TMEM161B: variants seen among roughly 807,000 people sequenced by gnomAD.
The protein encoded by TMEM161B is transmembrane protein 161B.
A neutral mutation model predicts 61.8 loss-of-function variants in TMEM161B; 34 were observed. That is an observed-to-expected ratio of 0.55 (90% CI 0.42 to 0.73). The LOEUF is 0.73. Ranked by LOEUF, TMEM161B falls within the 30% of genes least tolerant of loss-of-function variation. TMEM161B has a pLI of 0.00. For missense variants in TMEM161B, 456 were observed against 558.5 expected (o/e 0.82, Z 1.85); for synonymous variants, 167 against 192.8 (o/e 0.87, Z 1.11).
At chr5:88,214,549 T>C (rs971536957) in intron 5 of TMEM161B, among the ~76,000 whole-genome samples, 1 of 152,220 alleles carries the variant, frequency 6.6e-6, no homozygotes, top group Non-Finnish European at 1.5e-5. Context: ...TTTACCTTTT[T>C]ACTTTTCATT....
chr5:88,242,399 T>A (rs1752889248), intron 1 of TMEM161B, among the ~76,000 whole-genome samples: 1 of 145,272 alleles, frequency 6.9e-6, no homozygotes. Context: ...TCCTCCCATT[T>A]GCTGGCTCTT....
chr5:88,202,929 G>A, intron 9 of TMEM161B, 33 bp downstream of exon 9: 1 of 1,367,558 alleles, frequency 7.3e-7, no homozygotes, highest in Non-Finnish European at 1.0e-6. Flanking sequence ...CAGTTTTGGT[G>A]ATAAAAATCA....
At chr5:88,241,046 T>C in intron 1 of TMEM161B, 130 bp from the exon 2 acceptor site, 1 of 540,656 alleles carries the variant, frequency 1.8e-6, no homozygotes, top group Non-Finnish European at 3.1e-6. Flanking sequence ...TACATTACTC[T>C]CAGCCCTCCA....
chr5:88,186,676 T>C (rs993453944), downstream of TMEM161B, among the ~76,000 whole-genome samples: 2 of 151,992 alleles, frequency 1.3e-5, no homozygotes, highest in African/African-American at 4.8e-5. Flanking sequence ...ACACCTGTAA[T>C]CCCAGGAATT....
chr5:88,263,519 C>A (rs563163725), intron 1 of TMEM161B, among the ~76,000 whole-genome samples: 1 of 152,208 alleles, frequency 6.6e-6, no homozygotes, highest in South Asian at 2.1e-4. Context: ...GTAAGGATTT[C>A]TTTTTTTCTA....
chr5:88,230,408 C>T (rs1750794443), intron 2 of TMEM161B, among the ~76,000 whole-genome samples: 1 of 152,100 alleles, frequency 6.6e-6, no homozygotes, highest in Non-Finnish European at 1.5e-5. Context: ...GTGATGAGTA[C>T]ACAGGAATTC....
chr5:88,251,393 T>C (rs1754324759), intron 1 of TMEM161B, among the ~76,000 whole-genome samples: 1 of 152,148 alleles, frequency 6.6e-6, no homozygotes, highest in Non-Finnish European at 1.5e-5. Flanking sequence ...TACACCTACA[T>C]CTTAACAGAA....
chr5:88,225,816 A>G lies in TMEM161B; in HGVS notation c.242T>C (p.Ile81Thr). The change falls in exon 4 of 12, where the codon ATT becomes ACT. Residue 81 changes from isoleucine (I) to threonine (T), a missense_variant. By Grantham distance (89) the Ile-to-Thr change is moderately conservative. This residue lies in a region of TMEM161B where 85 missense variants were observed against 111.2 expected (regional missense o/e 0.76). Coordinates refer to ENST00000296595, the MANE Select transcript of TMEM161B (RefSeq NM_153354.5). ...TGACTTTGTTTCTAGATGAAGGTCAATATCCTTTGGAATGGTTAATGGCTT... is the reference window on the plus strand; with the variant it reads ...TGACTTTGTTTCTAGATGAAGGTCAGTATCCTTTGGAATGGTTAATGGCTT... The part of the protein sequence containing the change: ...ESKPLTIPKD[I>T]DLHLETKSVT... 6.2e-7 allele frequency: 1 copy of G among 1,611,934 alleles called. No individual in the cohort carries two copies. The highest frequency in any genetic ancestry group is 2.2e-5 in the East Asian group (1 of 44,692).
chr5:88,218,270 T>A (rs6864916), intron 5 of TMEM161B, among the ~76,000 whole-genome samples: 1,609 of 152,214 alleles, frequency 0.011, 18 homozygotes, highest in African/African-American at 0.036. Context: ...ATAATTCAGA[T>A]GAGATTCGGT....
intron 5 of TMEM161B, among the ~76,000 whole-genome samples, chr5:88,218,915 C>T (rs945785155): frequency 1.3e-5 from 2 of 151,978 alleles, no homozygotes; most frequent in Non-Finnish European, 2.9e-5. Context: ...TATGCTCTGC[C>T]AAAATCGGAA....
At chr5:88,206,103 T>C in intron 7 of TMEM161B, 149 bp from the exon 8 acceptor site, 2 of 724,438 alleles carry the variant, frequency 2.8e-6, no homozygotes, top group South Asian at 2.0e-5. Flanking sequence ...CAAGTACCTA[T>C]AATGGATTCT....
At chr5:88,234,357 T>C (rs1751510969) in intron 2 of TMEM161B, among the ~76,000 whole-genome samples, 1 of 152,084 alleles carries the variant, frequency 6.6e-6, no homozygotes, top group Admixed American at 6.6e-5. Context: ...GGATTTAGGT[T>C]GAAAAAGTTG....
At chr5:88,246,134 T>C (rs949298729) in intron 1 of TMEM161B, among the ~76,000 whole-genome samples, 1 of 151,912 alleles carries the variant, frequency 6.6e-6, no homozygotes, top group African/African-American at 2.4e-5. Flanking sequence ...ACTATGCCAT[T>C]TCCCTCTTCT....
intron 2 of TMEM161B, among the ~76,000 whole-genome samples, chr5:88,231,819 C>G (rs1215009601): frequency 6.6e-6 from 1 of 152,138 alleles, no homozygotes; most frequent in Non-Finnish European, 1.5e-5. Context: ...TTCCTGCGAG[C>G]CTCTGGTCAT....
intron 3 of TMEM161B, among the ~76,000 whole-genome samples, chr5:88,226,534 T>G (rs925792968): frequency 6.6e-6 from 1 of 152,194 alleles, no homozygotes; most frequent in African/African-American, 2.4e-5. Context: ...TCAAACAATT[T>G]TCCTGCTTCA....
At position 88,195,071 on chromosome 5, in the gene TMEM161B, C is replaced by T. The variant is rs935596544; in HGVS notation, c.*1140G>A. The T allele has an allele frequency of 1.2e-6, 1 of 840,434 alleles. No homozygotes were observed. Among genetic ancestry groups the T allele is most frequent in the African/African-American group, 1.9e-5 (1 of 54,052 alleles). 52.1% of individuals were successfully genotyped at this position (840,434 alleles called of 1,614,324 possible). A position where few individuals can be genotyped will look rare whatever the true frequency, so the allele number is the denominator to read the frequency against. ...CAAAGGCATACATGATACCTGTAGACCTGATTTGAGAGGGAAAGATTCTGA... is the reference window on the plus strand; with the variant it reads ...CAAAGGCATACATGATACCTGTAGATCTGATTTGAGAGGGAAAGATTCTGA... On this transcript the variant is annotated 3_prime_UTR_variant, in exon 12 of 12. Coordinates refer to ENST00000296595, the MANE Select transcript of TMEM161B (RefSeq NM_153354.5).
intron 5 of TMEM161B, among the ~76,000 whole-genome samples, chr5:88,211,245 C>CTA (rs1746675879): frequency 6.6e-6 from 1 of 151,486 alleles, no homozygotes; most frequent in South Asian, 2.1e-4. Context: ...GGGTATATAA[C>CTA]TATACATACA....
Position 88,224,319 on chromosome 5 carries a change from T to G in TMEM161B, c.289+1450A>C, listed in dbSNP as rs142718704. On this transcript the variant is annotated intron_variant, in intron 4 of 11. Coordinates refer to ENST00000296595, the MANE Select transcript of TMEM161B (RefSeq NM_153354.5). Reference sequence around the variant, plus strand: ...TCAAGGATAGGAGTAGGGAATCTATTTCAAAGAACTCATCAAGTGGTTTTG... The same window carrying G: ...TCAAGGATAGGAGTAGGGAATCTATGTCAAAGAACTCATCAAGTGGTTTTG... 1.6e-4 allele frequency among the ~76,000 whole-genome samples: 24 copies of G among 152,268 alleles called. No individual in the cohort carries two copies. The East Asian group carries it at 4.4e-3, about 28-fold the overall frequency.
At position 88,226,874 on chromosome 5, in the gene TMEM161B, T is replaced by C. The variant is rs550763434; in HGVS notation, c.192-1008A>G. On this transcript the variant is annotated intron_variant, in intron 3 of 11. Coordinates refer to ENST00000296595, the MANE Select transcript of TMEM161B (RefSeq NM_153354.5). Reference sequence around the variant, plus strand: ...GCTCGCACCTGTAATTCCAACACTTTGAGAGGCCAGGAAGATCGAGGCAGG... The same window carrying C: ...GCTCGCACCTGTAATTCCAACACTTCGAGAGGCCAGGAAGATCGAGGCAGG... Among the ~76,000 whole-genome samples the C allele has an allele frequency of 7.3e-4, 111 of 152,208 alleles. 1 individual carries two copies. Among genetic ancestry groups the C allele is most frequent in the African/African-American group, 2.5e-3 (104 of 41,536 alleles).
Sources: allele counts gnomAD v4.1 joint callset (sites outside exome capture counted in the v4.1 genomes callset), GRCh38; gene constraint gnomAD v4.1.1; regional missense constraint gnomAD v4.1.1; transcripts MANE v1.5; gene names NCBI Gene and HGNC (gene_info 2026-07-23, HGNC 2026-07-21).